The following NFAM1 variants were observed in gnomAD, a reference collection of about 807,000 sequenced individuals.
The protein encoded by NFAM1 is NFAT activation molecule 1.
Under a neutral mutation model 29.0 loss-of-function variants are expected in NFAM1, and 17 were observed. The observed-to-expected ratio is 0.59, with a 90% CI of 0.40 to 0.88. NFAM1 has a LOEUF of 0.88. NFAM1 is among the 40% of genes least tolerant of loss of function. NFAM1 has a pLI of 0.00. For synonymous variants in NFAM1, 175 were observed against 147.2 expected, an observed-to-expected ratio of 1.19 and a Z score of -1.36; for missense variants, 324 against 344.6, an observed-to-expected ratio of 0.94 and a Z score of 0.47.
At chr22:42,429,593 G>A (rs1413324180) in intron 1 of NFAM1, among the ~76,000 whole-genome samples, 1 of 152,150 alleles carries the variant, frequency 6.6e-6, no homozygotes, top group East Asian at 1.9e-4. Flanking sequence ...TCCAGCCTGG[G>A]CAACAGAGCG....
intron 1 of NFAM1, among the ~76,000 whole-genome samples, chr22:42,429,948 G>A (rs1930741576): frequency 6.6e-6 from 1 of 152,196 alleles, no homozygotes. Context: ...GATGAAGGGG[G>A]ATGCACAGGG....
intron 3 of NFAM1, among the ~76,000 whole-genome samples, chr22:42,398,388 A>G (rs1050174377): frequency 5.3e-5 from 5 of 93,638 alleles, no homozygotes; most frequent in Admixed American, 1.5e-4. Flanking sequence ...TTTATTTATT[A>G]TTATTATTAT....
chr22:42,393,158 G>A (rs1219435315), intron 4 of NFAM1, among the ~76,000 whole-genome samples: 1 of 151,910 alleles, frequency 6.6e-6, no homozygotes, highest in African/African-American at 2.4e-5. Context: ...TGAATAAAAA[G>A]CAAGAATTGA....
In NFAM1 at chr22:42,423,948, G is replaced by A. The variant is rs183739935; in HGVS notation, c.121+8289C>T. On this transcript the variant is annotated intron_variant, in intron 1 of 5. Transcript: ENST00000329021. ...TTGGCCAGGCTGGTCTTGAACTCCT[G>A]ACCTCATGACCTCACCATGTTGGCC... Among the ~76,000 whole-genome samples, 491 of 152,090 alleles carry A rather than the reference G, an allele frequency of 3.2e-3. 1 individual carries two copies. The highest frequency in any genetic ancestry group is 5.2e-3 in the Non-Finnish European group (355 of 67,980).
chr22:42,395,635 C>A (rs1350426925), intron 4 of NFAM1, among the ~76,000 whole-genome samples: 1 of 151,864 alleles, frequency 6.6e-6, no homozygotes, highest in East Asian at 1.9e-4. Flanking sequence ...GTAATCCCAG[C>A]ACTTTGGGAG....
intron 4 of NFAM1, among the ~76,000 whole-genome samples, chr22:42,391,026 C>T (rs1453514452): frequency 2.0e-5 from 3 of 152,130 alleles, no homozygotes; most frequent in African/African-American, 7.2e-5. Context: ...CAAAACCGCC[C>T]AGCTGCTGGG....
At position 42,397,876 on chromosome 22, in the gene NFAM1, A is replaced by G. The variant is rs1569227782; in HGVS notation, c.645T>C (p.Pro215=). ...PRSASSPKQH[P]SESVYTALQR... is the part of the protein sequence containing the mutation. The stretch of plus-strand genomic sequence containing the variant: ...GACTCACTGTGTAGACAGATTCTGA[A>G]GGATGCTGCTTGGGGCTGCTGGCAG... Residue 215 remains proline, a synonymous_variant, in exon 4 of 6, where the codon CCT becomes CCC. Coordinates refer to ENST00000329021, the MANE Select transcript of NFAM1 (RefSeq NM_145912.8). The G allele has an allele frequency of 2.5e-6, 4 of 1,612,552 alleles. No individual in the cohort carries two copies. Among genetic ancestry groups the G allele is most frequent in the Non-Finnish European group, 3.4e-6 (4 of 1,178,670 alleles).
rs375331733 is a variant in NFAM1, at chr22:42,409,395, G to A, written c.564+40C>T. ...GCAGGCGGGCAGCCGGTGGCGTGTCGGGTGGAGGGGCTGCATGGCTGTGAG... is the reference window on the plus strand; with the variant it reads ...GCAGGCGGGCAGCCGGTGGCGTGTCAGGTGGAGGGGCTGCATGGCTGTGAG... On this transcript the variant is annotated intron_variant, in intron 3 of 5. Coordinates refer to ENST00000329021, the MANE Select transcript of NFAM1 (RefSeq NM_145912.8). The surrounding 1 kb of genome is among the most constrained non-coding windows in gnomAD (Gnocchi z 4.9). The A allele has an allele frequency of 1.4e-4, 160 of 1,139,418 alleles. No individual in the cohort carries two copies. Among genetic ancestry groups the A allele is most frequent in the Admixed American group, 6.4e-4 (24 of 37,542 alleles). 70.6% of individuals were successfully genotyped at this position (1,139,418 alleles called of 1,614,324 possible).
At chr22:42,423,581 A>C (rs1049600216) in intron 1 of NFAM1, among the ~76,000 whole-genome samples, 3 of 152,130 alleles carry the variant, frequency 2.0e-5, no homozygotes, top group Non-Finnish European at 4.4e-5. Context: ...TTAGCTGGGC[A>C]AGGTAGCAGT....
At chr22:42,426,150 T>C (rs1930614479) in intron 1 of NFAM1, among the ~76,000 whole-genome samples, 1 of 151,436 alleles carries the variant, frequency 6.6e-6, no homozygotes, top group African/African-American at 2.4e-5. Flanking sequence ...AAGGTGGGAG[T>C]GGCCATAAGG....
chr22:42,425,240 C>T (rs1930586136), intron 1 of NFAM1, among the ~76,000 whole-genome samples: 1 of 151,656 alleles, frequency 6.6e-6, no homozygotes, highest in Non-Finnish European at 1.5e-5. Flanking sequence ...CATTTTAGAA[C>T]AAGGACAAGA....
chr22:42,407,457 C>A (rs1929937460), intron 3 of NFAM1, among the ~76,000 whole-genome samples: 1 of 152,174 alleles, frequency 6.6e-6, no homozygotes, highest in South Asian at 2.1e-4. Flanking sequence ...CAACCTCCAC[C>A]TCCCGGGTTC....
intron 3 of NFAM1, among the ~76,000 whole-genome samples, chr22:42,399,458 AAAAAAG>A (rs370684404): frequency 0.13 from 18,625 of 147,696 alleles, 1,433 homozygotes; most frequent in East Asian, 0.27. Context: ...AAAAAAAAAA[AAAAAAG>A]AAAGAAAGAA....
At chr22:42,400,707 C>T (rs1178797127) in intron 3 of NFAM1, among the ~76,000 whole-genome samples, 2 of 152,222 alleles carry the variant, frequency 1.3e-5, no homozygotes, top group Non-Finnish European at 2.9e-5. Context: ...AGATGTGTGT[C>T]CTCAAATCCA....
chr22:42,412,879 A>G (rs573026690), intron 1 of NFAM1, among the ~76,000 whole-genome samples: 1 of 152,340 alleles, frequency 6.6e-6, no homozygotes, highest in African/African-American at 2.4e-5. Context: ...GTCAATGACC[A>G]TGACAAAGCC....
chr22:42,437,219 T>C (rs1378393170), upstream of NFAM1, among the ~76,000 whole-genome samples: 2 of 150,388 alleles, frequency 1.3e-5, no homozygotes, highest in Non-Finnish European at 2.9e-5. Context: ...CTTGGCTCAC[T>C]GCAACCTCCT....
chr22:42,435,781 C>CCCACGA (rs1407679153), upstream of NFAM1, among the ~76,000 whole-genome samples: 2 of 151,722 alleles, frequency 1.3e-5, no homozygotes, highest in African/African-American at 4.8e-5. Flanking sequence ...AGATCCCCTA[C>CCCACGA]CCACGACCAC....
intron 1 of NFAM1, among the ~76,000 whole-genome samples, chr22:42,421,693 C>T (rs1368362036): frequency 4.6e-5 from 7 of 152,158 alleles, no homozygotes; most frequent in Admixed American, 1.3e-4. Context: ...ACCCAGACAA[C>T]GCTGATCAAA....
In NFAM1 at chr22:42,386,996, A is replaced by AG; in HGVS notation, c.745dup (p.Leu249ProfsTer8). 2 of 1,555,730 alleles carry AG rather than the reference A, an allele frequency of 1.3e-6. No homozygotes were observed. The highest frequency in any genetic ancestry group is 1.7e-6 in the Non-Finnish European group (2 of 1,146,806). On this transcript the variant is annotated frameshift_variant, in exon 5 of 6. Coordinates refer to ENST00000329021, the MANE Select transcript of NFAM1 (RefSeq NM_145912.8). LOFTEE classifies it high-confidence loss of function. ...GCCCCAGCGCCTGTGTACCTGGGAG[A>AG]GGGGGCTCTGCTTGGCGGTGGGTGA...
Sources: allele counts gnomAD v4.1 joint callset (sites outside exome capture counted in the v4.1 genomes callset), GRCh38; gene constraint gnomAD v4.1.1; non-coding constraint Gnocchi (gnomAD v3.1); transcripts MANE v1.5; gene names NCBI Gene and HGNC (gene_info 2026-07-23, HGNC 2026-07-21).